CCDC7: variants seen among roughly 807,000 people sequenced by gnomAD.
CCDC7 encodes the protein coiled-coil domain-containing protein 7.
CCDC7 carries 183 observed loss-of-function variants against 196.9 expected under a neutral mutation model. That is an observed-to-expected ratio of 0.93 (90% CI 0.82 to 1.05). The LOEUF (loss-of-function observed/expected upper bound fraction) is 1.05, where lower values mean the gene tolerates loss of function less well. Among genes scored for constraint, CCDC7 ranks in the 50% least tolerant of loss-of-function variants. The pLI, the probability that CCDC7 is intolerant of heterozygous loss-of-function variation, is 0.00. For synonymous variants in CCDC7, 525 were observed against 484.6 expected, an observed-to-expected ratio of 1.08 and a Z score of -1.10; for missense variants, 1,540 against 1,482.2, an observed-to-expected ratio of 1.04 and a Z score of -0.64.
intron 24 of CCDC7, among the ~76,000 whole-genome samples, chr10:32,701,388 G>A (rs1057039709): frequency 5.9e-5 from 9 of 152,158 alleles, no homozygotes; most frequent in African/African-American, 1.7e-4. Context: ...TGGTGGATAA[G>A]CTTTCTGATG....
downstream of CCDC7, chr10:32,876,521 C>T: frequency 1.1e-6 from 1 of 886,884 alleles, no homozygotes; most frequent in African/African-American, 1.7e-5. Context: ...TGAAAAACAG[C>T]TGGAAATACA....
At chr10:32,845,376 CCT>C (rs1350461635) in intron 34 of CCDC7, 50 bp downstream of exon 35, 2 of 1,385,120 alleles carry the variant, frequency 1.4e-6, no homozygotes, top group African/African-American at 1.5e-5. Context: ...ATTGATATTC[CCT>C]GAGTTAAATT....
intron 29 of CCDC7, among the ~76,000 whole-genome samples, chr10:32,789,504 A>G (rs1188536549): frequency 6.6e-6 from 1 of 152,110 alleles, no homozygotes; most frequent in African/African-American, 2.4e-5. Flanking sequence ...AAGAATCAGT[A>G]AACTTGAACA....
At chr10:32,780,438 T>C (rs1290623052) in intron 29 of CCDC7, among the ~76,000 whole-genome samples, 1 of 152,184 alleles carries the variant, frequency 6.6e-6, no homozygotes, top group Non-Finnish European at 1.5e-5. Flanking sequence ...TAATTACAAA[T>C]TTATGTTATG....
At chr10:32,462,361 G>A (rs1334157336) in intron 3 of CCDC7, among the ~76,000 whole-genome samples, 1 of 152,178 alleles carries the variant, frequency 6.6e-6, no homozygotes, top group African/African-American at 2.4e-5. Context: ...GGAGTTCAAC[G>A]TTATAGTGAG....
intron 29 of CCDC7, among the ~76,000 whole-genome samples, chr10:32,799,169 T>G (rs1476855835): frequency 6.6e-6 from 1 of 152,116 alleles, no homozygotes; most frequent in Non-Finnish European, 1.5e-5. Context: ...TGACCCATAG[T>G]CAAATGTTTA....
At chr10:32,572,235 T>C (rs2057664705) in intron 16 of CCDC7, among the ~76,000 whole-genome samples, 1 of 152,144 alleles carries the variant, frequency 6.6e-6, no homozygotes, top group African/African-American at 2.4e-5. Context: ...ATAAACAACT[T>C]AGTGAAAAAT....
At chr10:32,606,516 G>C (rs539186206) in intron 18 of CCDC7, among the ~76,000 whole-genome samples, 1 of 152,340 alleles carries the variant, frequency 6.6e-6, no homozygotes, top group Admixed American at 6.5e-5. Context: ...AGCAGCTTTG[G>C]GGCTTACCCT....
chr10:32,663,277 A>G (rs909783446), intron 20 of CCDC7, among the ~76,000 whole-genome samples: 3 of 152,128 alleles, frequency 2.0e-5, no homozygotes, highest in African/African-American at 7.2e-5. Flanking sequence ...CTTTTTCATC[A>G]CACATGGAAA....
intron 21 of CCDC7, among the ~76,000 whole-genome samples, chr10:32,669,149 G>C (rs2073504976): frequency 6.6e-6 from 1 of 151,998 alleles, no homozygotes; most frequent in Admixed American, 6.6e-5. Context: ...TGCATCTATT[G>C]AGATTATCAT....
At chr10:32,790,833 C>T (rs544636741) in intron 29 of CCDC7, among the ~76,000 whole-genome samples, 2 of 152,086 alleles carry the variant, frequency 1.3e-5, no homozygotes, top group Non-Finnish European at 2.9e-5. Flanking sequence ...GAGAGTAAAC[C>T]TGATCCCACA....
intron 20 of CCDC7, among the ~76,000 whole-genome samples, chr10:32,661,337 G>A (rs1424968547): frequency 6.6e-6 from 1 of 151,530 alleles, no homozygotes; most frequent in South Asian, 2.1e-4. Context: ...TGCTGGAGAG[G>A]ATGTGGAGAA....
At chr10:32,528,156 A>C (rs2048958094) in intron 11 of CCDC7, among the ~76,000 whole-genome samples, 1 of 152,082 alleles carries the variant, frequency 6.6e-6, no homozygotes, top group Non-Finnish European at 1.5e-5. Context: ...CACTTAATAT[A>C]ATGGCCTCCA....
At chr10:32,662,070 C>G (rs2071586950) in intron 20 of CCDC7, among the ~76,000 whole-genome samples, 1 of 152,146 alleles carries the variant, frequency 6.6e-6, no homozygotes, top group Non-Finnish European at 1.5e-5. Context: ...CCCTTTTGGC[C>G]TCTCTCCATA....
chr10:32,807,591 G>T (rs1432877998), intron 30 of CCDC7, among the ~76,000 whole-genome samples: 1 of 152,040 alleles, frequency 6.6e-6, no homozygotes, highest in Non-Finnish European at 1.5e-5. Flanking sequence ...GGAGGCAGCT[G>T]ACCTAAGTAG....
intron 5 of CCDC7, among the ~76,000 whole-genome samples, chr10:32,470,706 A>G (rs757960801): frequency 2.6e-5 from 4 of 152,162 alleles, no homozygotes; most frequent in Non-Finnish European, 5.9e-5. Context: ...ATAATTTACT[A>G]CAGTAAGGGT....
chr10:32,580,092 C>A (rs1335760079), intron 16 of CCDC7, among the ~76,000 whole-genome samples: 1 of 152,098 alleles, frequency 6.6e-6, no homozygotes, highest in Non-Finnish European at 1.5e-5. Context: ...CGAGGCCATT[C>A]AGAAACATGT....
intron 13 of CCDC7, among the ~76,000 whole-genome samples, chr10:32,547,466 T>G (rs999096629): frequency 6.6e-6 from 1 of 152,120 alleles, no homozygotes; most frequent in African/African-American, 2.4e-5. Context: ...CCATATTCTA[T>G]TGGCCAGAAG....
intron 9 of CCDC7, among the ~76,000 whole-genome samples, chr10:32,492,448 A>T: frequency 6.6e-6 from 1 of 152,204 alleles, no homozygotes; most frequent in East Asian, 1.9e-4. Flanking sequence ...CCACATGTGC[A>T]ACAATGAATA....
Sources: allele counts gnomAD v4.1 joint callset (sites outside exome capture counted in the v4.1 genomes callset), GRCh38; gene constraint gnomAD v4.1.1; transcripts MANE v1.5; gene names NCBI Gene and HGNC (gene_info 2026-07-23, HGNC 2026-07-21).